Variants in ACTL8 observed in about 807,000 individuals in gnomAD.
The protein encoded by ACTL8 is actin like 8.
A neutral mutation model predicts 9.3 loss-of-function variants in ACTL8; 3 were observed. The ratio of observed to expected loss-of-function variants is 0.32; its 90% confidence interval spans 0.15 to 0.83. The LOEUF is 0.83. Ranked by LOEUF, ACTL8 falls within the 40% of genes least tolerant of loss-of-function variation. The probability of loss-of-function intolerance (pLI) is 0.57; values close to 1 mark genes in which losing one functional copy is unlikely to be tolerated. For synonymous variants in ACTL8, 224 were observed against 205.9 expected (o/e 1.09, Z -0.75); for missense variants, 381 against 492.2 (o/e 0.77, Z 2.14).
intron 1 of ACTL8, among the ~76,000 whole-genome samples, chr1:17,786,127 A>G (rs1242188991): frequency 2.0e-5 from 3 of 152,246 alleles, no homozygotes; most frequent in Admixed American, 2.0e-4. Flanking sequence ...CTCCATAGGC[A>G]GAGCCCAGCA....
chr1:17,803,624 C>T (rs2066339005), intron 1 of ACTL8, among the ~76,000 whole-genome samples: 1 of 152,202 alleles, frequency 6.6e-6, no homozygotes, highest in East Asian at 1.9e-4. Context: ...AGCCACTGTG[C>T]CTGGGCCTTG....
intron 1 of ACTL8, among the ~76,000 whole-genome samples, chr1:17,774,797 C>T (rs570257415): frequency 5.3e-5 from 8 of 152,272 alleles, no homozygotes; most frequent in Admixed American, 5.2e-4. Context: ...CACCTGACCC[C>T]TGGAGCCGCT....
chr1:17,792,672 C>T (rs539210261), intron 1 of ACTL8, among the ~76,000 whole-genome samples: 32 of 152,212 alleles, frequency 2.1e-4, no homozygotes, highest in Non-Finnish European at 5.9e-5. Flanking sequence ...GGGACAGTGG[C>T]TCCTTGTCTC....
chr1:17,776,029 G>C (rs944296612), intron 1 of ACTL8, among the ~76,000 whole-genome samples: 1 of 152,236 alleles, frequency 6.6e-6, no homozygotes, highest in Non-Finnish European at 1.5e-5. Flanking sequence ...GTTCAGGGAA[G>C]TGAAGTCTCT....
chr1:17,818,644 C>A (rs1172884166), intron 1 of ACTL8, among the ~76,000 whole-genome samples: 1 of 152,190 alleles, frequency 6.6e-6, no homozygotes, highest in Non-Finnish European at 1.5e-5. Context: ...TATTCACATG[C>A]CTTATTCCCT....
Position 17,823,183 on chromosome 1 carries a change from C to T in ACTL8, c.175C>T (p.His59Tyr), listed in dbSNP as rs1168544751. Residue 59 changes from histidine (H) to tyrosine (Y), a missense_variant, in exon 2 of 3, where the codon CAT becomes TAT. His to Tyr is a moderately conservative substitution (Grantham distance 83). Around this residue, in one of 3 missense-constraint regions of ACTL8, gnomAD observed 125 missense variants for 180.7 expected, o/e 0.69. Coordinates refer to ENST00000375406, the MANE Select transcript of ACTL8 (RefSeq NM_030812.3). This position sits in a 1 kb window ranked among gnomAD's most constrained non-coding sequence, Gnocchi z 5.3. Reference protein sequence around the residue: ...RRVSLGIDICHPDTFSYPIER... With the variant: ...RRVSLGIDICYPDTFSYPIER... Reference sequence around the variant, plus strand: ...TGTGAGCCTGGGCATCGACATTTGCCATCCTGACACCTTTAGCTACCCCAT... The same window carrying T: ...TGTGAGCCTGGGCATCGACATTTGCTATCCTGACACCTTTAGCTACCCCAT... 2 of 1,614,220 alleles carry T rather than the reference C, an allele frequency of 1.2e-6. No homozygotes were observed. Among genetic ancestry groups the T allele is most frequent in the African/African-American group, 1.3e-5 (1 of 75,054 alleles).
chr1:17,818,959 A>G (rs917319363), intron 1 of ACTL8, among the ~76,000 whole-genome samples: 1 of 152,352 alleles, frequency 6.6e-6, no homozygotes. Flanking sequence ...GCTTCTGAAT[A>G]TACAGATTTT....
Position 17,800,657 on chromosome 1 carries a change from G to A in ACTL8, c.-24-22328G>A, listed in dbSNP as rs1041312699. On this transcript the variant is annotated intron_variant, in intron 1 of 2. Transcript: ENST00000375406. ...GTTGCCAGGGCTGGAGTGCAGTGGC[G>A]TGATCTCGGCTCACCACACCCTCTG... 4.9e-5 allele frequency among the ~76,000 whole-genome samples: 7 copies of A among 144,268 alleles called. No individual in the cohort carries two copies. In the South Asian group the frequency reaches 6.6e-4, roughly 14 times the overall value. 94.6% of individuals were successfully genotyped at this position (144,268 alleles called of 152,430 possible).
At position 17,825,990 on chromosome 1, in the gene ACTL8, A is replaced by C. The variant is rs758656794; in HGVS notation, c.572A>C (p.Glu191Ala). The C allele has an allele frequency of 3.7e-6, 6 of 1,608,658 alleles. No homozygotes were observed. The African/African-American group carries it at 8.0e-5, about 21-fold the overall frequency. The change falls in exon 3 of 3, where the codon GAA (glutamate) becomes GCA (alanine). Residue 191 changes from glutamate to alanine, a missense_variant. Physicochemically the swap from Glu to Ala is moderately radical, Grantham distance 107 (BLOSUM62 -1). Around this residue, in one of 3 missense-constraint regions of ACTL8, gnomAD observed 243 missense variants for 276.2 expected, o/e 0.88. Coordinates refer to ENST00000375406, the MANE Select transcript of ACTL8 (RefSeq NM_030812.3). ...SAYLLKSLFK[E>A]DCDRRCLFQL... is the part of the protein sequence containing the mutation. ...TATCTCCTCAAGAGTCTCTTTAAGG[A>C]AGATTGCGATAGACGCTGCCTGTTT...
At chr1:17,824,919 A>G (rs2053700841) in intron 2 of ACTL8, among the ~76,000 whole-genome samples, 1 of 151,216 alleles carries the variant, frequency 6.6e-6, no homozygotes, top group East Asian at 1.9e-4. Context: ...TGAGAGTAGT[A>G]ATGGAGGGAG....
intron 1 of ACTL8, among the ~76,000 whole-genome samples, chr1:17,819,977 C>A (rs1251389050): frequency 1.3e-5 from 2 of 152,040 alleles, no homozygotes; most frequent in Admixed American, 6.6e-5. Flanking sequence ...CCACTGCCCT[C>A]CAGCCTGCGC....
At chr1:17,813,746 C>A (rs1044857164) in intron 1 of ACTL8, among the ~76,000 whole-genome samples, 4 of 152,134 alleles carry the variant, frequency 2.6e-5, no homozygotes, top group Non-Finnish European at 5.9e-5. Flanking sequence ...CCGTTTAGAC[C>A]TAGAGTATTC....
intron 1 of ACTL8, among the ~76,000 whole-genome samples, chr1:17,757,090 G>C (rs575542668): frequency 3.3e-5 from 5 of 152,116 alleles, no homozygotes; most frequent in African/African-American, 1.2e-4. Context: ...TGATTGCACC[G>C]CTGCACTGTA....
chr1:17,779,913 T>C (rs1348512774), intron 1 of ACTL8, among the ~76,000 whole-genome samples: 2 of 152,128 alleles, frequency 1.3e-5, no homozygotes, highest in African/African-American at 4.8e-5. Context: ...CCATAAAGCT[T>C]AAGAACCTTT....
intron 1 of ACTL8, among the ~76,000 whole-genome samples, chr1:17,771,058 G>A (rs2066079840): frequency 6.6e-6 from 1 of 152,222 alleles, no homozygotes; most frequent in South Asian, 2.1e-4. Context: ...TACTTGTAAA[G>A]CGTATAGAAC....
intron 1 of ACTL8, among the ~76,000 whole-genome samples, chr1:17,777,018 C>A (rs1484087454): frequency 9.8e-6 from 1 of 102,032 alleles, no homozygotes; most frequent in Non-Finnish European, 1.8e-5. Flanking sequence ...AGATGGGGGT[C>A]TTGCCATGTT....
At chr1:17,818,043 C>T (rs895059456) in intron 1 of ACTL8, among the ~76,000 whole-genome samples, 4 of 152,190 alleles carry the variant, frequency 2.6e-5, no homozygotes, top group Admixed American at 6.5e-5. Context: ...CTCCCAATTA[C>T]ACCACTAGCT....
intron 1 of ACTL8, among the ~76,000 whole-genome samples, chr1:17,805,212 T>C (rs1029168053): frequency 6.6e-6 from 1 of 152,098 alleles, no homozygotes; most frequent in Non-Finnish European, 1.5e-5. Context: ...GATGTCTGTG[T>C]GCTTCCTGCC....
intron 1 of ACTL8, among the ~76,000 whole-genome samples, chr1:17,771,002 A>T (rs1427762737): frequency 6.6e-6 from 1 of 152,220 alleles, no homozygotes; most frequent in African/African-American, 2.4e-5. Context: ...TAATGGGAAG[A>T]TGACAGCAGT....
Sources: allele counts gnomAD v4.1 joint callset (sites outside exome capture counted in the v4.1 genomes callset), GRCh38; gene constraint gnomAD v4.1.1; regional missense constraint gnomAD v4.1.1; non-coding constraint Gnocchi (gnomAD v3.1); transcripts MANE v1.5; gene names NCBI Gene and HGNC (gene_info 2026-07-23, HGNC 2026-07-21).